GRIK2: variants seen among roughly 807,000 people sequenced by gnomAD.
The protein encoded by GRIK2 is glutamate receptor ionotropic, kainate 2.
Under a neutral mutation model 100.3 loss-of-function variants are expected in GRIK2, and 32 were observed. The observed-to-expected ratio is 0.32, with a 90% confidence interval of 0.24 to 0.43. The LOEUF is 0.43. GRIK2 is among the 20% of genes least tolerant of loss of function. The probability of loss-of-function intolerance (pLI) is 1.00; values close to 1 mark genes in which losing one functional copy is unlikely to be tolerated. For synonymous variants in GRIK2, 417 were observed against 389.4 expected (o/e 1.07, Z -0.83); for missense variants, 843 against 1,114.9 (o/e 0.76, Z 3.47).
intron 7 of GRIK2, among the ~76,000 whole-genome samples, chr6:101,794,206 C>G (rs545293467): frequency 3.3e-5 from 5 of 152,216 alleles, no homozygotes; most frequent in African/African-American, 1.2e-4. Flanking sequence ...GCGCACAGTG[C>G]ACTGCACTGC....
At chr6:101,608,380 T>A (rs888756580) in intron 2 of GRIK2, among the ~76,000 whole-genome samples, 45 of 152,086 alleles carry the variant, frequency 3.0e-4, no homozygotes, top group African/African-American at 9.6e-4. Flanking sequence ...ACATTTAGAT[T>A]GTTTCAATTG....
chr6:101,416,234 G>A (rs12195204), intron 2 of GRIK2, among the ~76,000 whole-genome samples: 26,774 of 152,170 alleles, frequency 0.18, 2,514 homozygotes, highest in East Asian at 0.29. Flanking sequence ...CAGACATTTA[G>A]ATGGGAACTT....
At chr6:101,580,813 C>A (rs1778044894) in intron 2 of GRIK2, among the ~76,000 whole-genome samples, 1 of 152,030 alleles carries the variant, frequency 6.6e-6, no homozygotes. Flanking sequence ...ACCAGGAATG[C>A]ACTTCCTTCA....
intron 14 of GRIK2, among the ~76,000 whole-genome samples, chr6:101,987,384 T>C (rs1794074960): frequency 6.6e-6 from 1 of 151,736 alleles, no homozygotes; most frequent in Admixed American, 6.6e-5. Context: ...ATTAATCACA[T>C]AGTTTTGCTT....
intron 2 of GRIK2, among the ~76,000 whole-genome samples, chr6:101,593,852 T>C (rs1778789482): frequency 6.6e-6 from 1 of 151,894 alleles, no homozygotes; most frequent in South Asian, 2.1e-4. Context: ...CTCATGCTAT[T>C]GGAAAATTTT....
At chr6:101,441,361 A>G (rs1770039998) in intron 2 of GRIK2, among the ~76,000 whole-genome samples, 1 of 152,204 alleles carries the variant, frequency 6.6e-6, no homozygotes, top group African/African-American at 2.4e-5. Flanking sequence ...ACCACAGTGT[A>G]AGTAAACAAA....
intron 7 of GRIK2, among the ~76,000 whole-genome samples, chr6:101,697,201 A>T (rs937814285): frequency 3.9e-5 from 6 of 151,996 alleles, no homozygotes; most frequent in African/African-American, 1.4e-4. Context: ...GAGTTATATT[A>T]TTGCCTCCTC....
At chr6:101,781,829 A>G (rs1170727718) in intron 7 of GRIK2, among the ~76,000 whole-genome samples, 1 of 144,544 alleles carries the variant, frequency 6.9e-6, no homozygotes, top group Non-Finnish European at 1.5e-5. Flanking sequence ...ATATTCATAC[A>G]TTAGTTTTTT....
rs117541928 is a variant in GRIK2, at chr6:101,408,246, A to G, written c.115+8854A>G. Among the ~76,000 whole-genome samples, 910 of 152,254 alleles carry G rather than the reference A, an allele frequency of 6.0e-3. 5 individuals are homozygous for G. The highest frequency in any genetic ancestry group is 9.6e-3 in the Non-Finnish European group (654 of 68,006). The stretch of plus-strand genomic sequence containing the variant: ...TTCTTTCTCTTACTGAAATGGAAGC[A>G]AAAGACACATCTTGGTCCTTGATCA... On this transcript the variant is annotated intron_variant, in intron 2 of 16. Transcript: ENST00000369134.
At chr6:101,861,784 A>G (rs1784748461) in intron 11 of GRIK2, among the ~76,000 whole-genome samples, 1 of 152,132 alleles carries the variant, frequency 6.6e-6, no homozygotes, top group Non-Finnish European at 1.5e-5. Flanking sequence ...AAAGCTCTTG[A>G]CCCCTAAAGT....
At chr6:101,619,951 G>C (rs368173936) in intron 2 of GRIK2, among the ~76,000 whole-genome samples, 2 of 152,072 alleles carry the variant, frequency 1.3e-5, no homozygotes, top group African/African-American at 4.8e-5. Context: ...TGCTATTTTG[G>C]ATGGCTTTGA....
intron 7 of GRIK2, among the ~76,000 whole-genome samples, chr6:101,726,762 C>T (rs1313996019): frequency 6.6e-6 from 1 of 151,970 alleles, no homozygotes; most frequent in East Asian, 1.9e-4. Context: ...GTCTTTTATA[C>T]ACGCTAAAAA....
intron 10 of GRIK2, among the ~76,000 whole-genome samples, chr6:101,819,233 A>T (rs1367380234): frequency 6.6e-6 from 1 of 152,302 alleles, no homozygotes; most frequent in South Asian, 2.1e-4. Flanking sequence ...ATCAATGACC[A>T]TTCTTATTAA....
intron 5 of GRIK2, among the ~76,000 whole-genome samples, chr6:101,678,001 A>G (rs772683442): frequency 3.9e-5 from 6 of 152,152 alleles, no homozygotes; most frequent in African/African-American, 1.2e-4. Context: ...ACGCACTAAG[A>G]TTACTACTGA....
intron 2 of GRIK2, among the ~76,000 whole-genome samples, chr6:101,510,510 GTTTTTTTTTTTTTTTTT>G (rs142391999): frequency 1.1e-5 from 1 of 94,346 alleles, no homozygotes; most frequent in Non-Finnish European, 2.0e-5. Flanking sequence ...CAGTTGGGGA[GTTTTTTTTTTTTTTTTT>G]TTTTTTTTTT....
chr6:101,982,713 C>T (rs1413717648), intron 14 of GRIK2, among the ~76,000 whole-genome samples: 1 of 149,030 alleles, frequency 6.7e-6, no homozygotes, highest in Non-Finnish European at 1.5e-5. Flanking sequence ...ACAACTGAAA[C>T]AAAAGGTGTC....
chr6:101,633,998 T>C (rs547590457), intron 4 of GRIK2, among the ~76,000 whole-genome samples: 1 of 152,268 alleles, frequency 6.6e-6, no homozygotes, highest in East Asian at 1.9e-4. Flanking sequence ...GGGTTTTTTT[T>C]GGCTCTTTTT....
At chr6:101,954,401 C>T (rs966899188) in intron 14 of GRIK2, among the ~76,000 whole-genome samples, 1 of 151,948 alleles carries the variant, frequency 6.6e-6, no homozygotes, top group Non-Finnish European at 1.5e-5. Flanking sequence ...AATGTGTTTT[C>T]ACTTTTATTA....
rs374305423 is a variant in GRIK2 at position 101,523,758 on chromosome 6, C to T, written c.116-98191C>T. On this transcript the variant is annotated intron_variant, in intron 2 of 16. Transcript: ENST00000369134. The stretch of plus-strand genomic sequence containing the variant: ...TTTTTTTGATGGAGTCTCACTCTGT[C>T]GCCTAGGCTAGAATGCAGTGGCATT... Among the ~76,000 whole-genome samples, 43 of 139,044 alleles carry T rather than the reference C, an allele frequency of 3.1e-4. 2 individuals carry two copies. Among genetic ancestry groups the T allele is most frequent in the South Asian group, 1.6e-3 (7 of 4,264 alleles). 91.2% of individuals were successfully genotyped at this position (139,044 alleles called of 152,430 possible).
Sources: gnomAD v4.1 joint callset for allele counts (sites outside exome capture counted in the v4.1 genomes callset) on GRCh38, gnomAD v4.1.1 for gene constraint, MANE v1.5 for transcripts, NCBI Gene and HGNC (gene_info 2026-07-23, HGNC 2026-07-21) for gene names.